Variants in SPAM1 observed in about 807,000 individuals in gnomAD.
SPAM1 encodes the protein hyaluronidase PH-20.
Under a neutral mutation model 29.6 loss-of-function variants are expected in SPAM1, and 22 were observed. The observed-to-expected ratio is 0.74, with a 90% CI of 0.53 to 1.06. SPAM1 has a LOEUF of 1.06. SPAM1 is among the 50% of genes least tolerant of loss of function. SPAM1 has a pLI of 0.00. For missense variants in SPAM1, 534 were observed against 604.0 expected (o/e 0.88, Z 1.21); for synonymous variants, 194 against 204.6 (o/e 0.95, Z 0.44).
intron 1 of SPAM1, among the ~76,000 whole-genome samples, chr7:123,939,414 A>C (rs1275834589): frequency 6.6e-6 from 1 of 151,886 alleles, no homozygotes; most frequent in Non-Finnish European, 1.5e-5. Flanking sequence ...ACTTCATTTC[A>C]ATCATATCTG....
At chr7:123,946,269 G>A (rs974856546) in intron 1 of SPAM1, among the ~76,000 whole-genome samples, 1 of 152,138 alleles carries the variant, frequency 6.6e-6, no homozygotes, top group Non-Finnish European at 1.5e-5. Flanking sequence ...ATAAACGTTA[G>A]ATCTCAACCA....
downstream of SPAM1, among the ~76,000 whole-genome samples, chr7:123,960,654 T>C (rs1357435846): frequency 6.6e-6 from 1 of 151,936 alleles, no homozygotes; most frequent in African/African-American, 2.4e-5. Context: ...TGTACAAATA[T>C]TACTACCGCC....
At position 123,953,637 on chromosome 7, in the gene SPAM1, A is replaced by C; in HGVS notation, c.67A>C (p.Ile23Leu). Residue 23 changes from isoleucine (I) to leucine (L), a missense_variant, in exon 3 of 5, where the codon ATA (isoleucine) becomes CTA (leucine). Transcript: ENST00000682466. ...SFVKSSGVSQIVFTFLLIPCC... is the reference protein window; with the variant it reads ...SFVKSSGVSQLVFTFLLIPCC... Reference sequence around the variant, plus strand: ...TGTTAAATCAAGTGGAGTATCCCAGATAGTTTTCACCTTCCTTCTGATTCC... The same window carrying C: ...TGTTAAATCAAGTGGAGTATCCCAGCTAGTTTTCACCTTCCTTCTGATTCC... The C allele has an allele frequency of 6.2e-7, 1 of 1,612,678 alleles. No individual in the cohort carries two copies. The highest frequency in any genetic ancestry group is 1.1e-5 in the South Asian group (1 of 90,836).
downstream of SPAM1, among the ~76,000 whole-genome samples, chr7:123,962,701 A>G (rs1211082257): frequency 6.6e-6 from 1 of 151,788 alleles, no homozygotes; most frequent in Non-Finnish European, 1.5e-5. Flanking sequence ...TTTTTATTCT[A>G]TAAAGTCATT....
downstream of SPAM1, among the ~76,000 whole-genome samples, chr7:123,964,172 G>A (rs958039656): frequency 1.3e-5 from 2 of 151,868 alleles, no homozygotes; most frequent in Non-Finnish European, 2.9e-5. Flanking sequence ...TCAATTATCA[G>A]AAAAATATTG....
Position 123,955,039 on chromosome 7 carries a change from G to T in SPAM1, c.997G>T (p.Ala333Ser), listed in dbSNP as rs143696812. The T allele has an allele frequency of 1.4e-5, 23 of 1,611,682 alleles. No individual in the cohort carries two copies. The African/African-American group carries it at 2.8e-4, about 20-fold the overall frequency. Residue 333 changes from alanine to serine, a missense_variant, in exon 4 of 5, where the codon GCT becomes TCT. By Grantham distance (99) the Ala-to-Ser change is moderately conservative. Transcript: ENST00000682466. ...ATTTGGCGAAACTGTTGCTCTGGGTGCTTCTGGAATTGTAATATGGGGAAC... is the reference window on the plus strand; with the variant it reads ...ATTTGGCGAAACTGTTGCTCTGGGTTCTTCTGGAATTGTAATATGGGGAAC... ...YTFGETVALG[A>S]SGIVIWGTLS...
At chr7:123,968,620 T>C (rs538560088) in intron 5 of SPAM1, among the ~76,000 whole-genome samples, 1 of 152,128 alleles carries the variant, frequency 6.6e-6, no homozygotes, top group African/African-American at 2.4e-5. Context: ...AAAGCCATGT[T>C]ATTTCAAAGC....
chr7:123,954,657 C>T (rs984338592), intron 3 of SPAM1, 133 bp downstream of exon 3: 2 of 632,688 alleles, frequency 3.2e-6, no homozygotes, highest in Non-Finnish European at 5.4e-6. Context: ...AGTAGATCAA[C>T]ATTATTATAT....
At chr7:123,945,633 G>A (rs1015765104) in intron 1 of SPAM1, among the ~76,000 whole-genome samples, 3 of 152,168 alleles carry the variant, frequency 2.0e-5, no homozygotes, top group Admixed American at 6.5e-5. Context: ...AGGGGCAAGA[G>A]GTGCCTGTGT....
chr7:123,951,229 A>T (rs1808753450), intron 2 of SPAM1, among the ~76,000 whole-genome samples: 1 of 151,980 alleles, frequency 6.6e-6, no homozygotes, highest in South Asian at 2.1e-4. Flanking sequence ...TCTGTTGATG[A>T]TCTCTTTTGC....
intron 4 of SPAM1, among the ~76,000 whole-genome samples, chr7:123,958,140 G>A (rs1792286503): frequency 6.6e-6 from 1 of 151,968 alleles, no homozygotes; most frequent in Admixed American, 6.6e-5. Flanking sequence ...ACAATAGATG[G>A]CATCATCTCA....
At position 123,953,372 on chromosome 7, in the gene SPAM1, T is replaced by C. The variant is rs1275564380; in HGVS notation, c.-199T>C. On this transcript the variant is annotated 5_prime_UTR_variant, in exon 3 of 5. Transcript: ENST00000682466. Reference sequence around the variant, plus strand: ...TCTGTATTTCTTTTTCAGTTATAGGTGATGCAACTTGAAAAACAATCCTGA... The same window carrying C: ...TCTGTATTTCTTTTTCAGTTATAGGCGATGCAACTTGAAAAACAATCCTGA... 4 of 468,728 alleles carry C rather than the reference T, an allele frequency of 8.5e-6. No homozygotes were observed. The highest frequency in any genetic ancestry group is 2.0e-5 in the African/African-American group (1 of 49,450). The allele number at this position is 468,728 out of a possible 1,614,324, so 29.0% of individuals were successfully genotyped here.
chr7:123,949,298 G>A (rs1449102380), intron 1 of SPAM1, among the ~76,000 whole-genome samples: 1 of 152,014 alleles, frequency 6.6e-6, no homozygotes, highest in African/African-American at 2.4e-5. Context: ...ATGATAGTTG[G>A]ATGAAAGAAA....
At chr7:123,940,263 A>G (rs947268056) in intron 1 of SPAM1, among the ~76,000 whole-genome samples, 13 of 152,076 alleles carry the variant, frequency 8.5e-5, no homozygotes, top group Admixed American at 2.0e-4. Context: ...GCATGCATCA[A>G]TTGGGTACCA....
chr7:123,952,759 A>G (rs1792140882), intron 2 of SPAM1, among the ~76,000 whole-genome samples: 1 of 152,056 alleles, frequency 6.6e-6, no homozygotes, highest in South Asian at 2.1e-4. Context: ...ATGGGAGTAC[A>G]TTATTGTAAG....
chr7:123,932,191 T>C (rs1382852337), intron 1 of SPAM1: 1 of 152,176 alleles, frequency 6.6e-6, no homozygotes, highest in African/African-American at 2.4e-5. Context: ...CAATCCCAAA[T>C]TGGAGCAGCC....
Position 123,966,680 on chromosome 7 carries a change from A to T in SPAM1, c.1486-3518A>T, listed in dbSNP as rs144357424. ...AACTAACACAGTAACAGAAAACCAA[A>T]CACCACATGTTCTTCTTACAAATGG... On this transcript the variant is annotated intron_variant, in intron 5 of 6. Transcript: ENST00000340011. 7.8e-3 allele frequency among the ~76,000 whole-genome samples: 1,182 copies of T among 152,170 alleles called. 4 individuals are homozygous for T. The highest frequency in any genetic ancestry group is 0.011 in the Non-Finnish European group (781 of 67,974).
At position 123,925,304 on chromosome 7, in the gene SPAM1, A is replaced by G. The variant is rs1181647529; in HGVS notation, c.-367A>G. 2 of 152,216 alleles carry G rather than the reference A, an allele frequency of 1.3e-5. No individual in the cohort carries two copies. The highest frequency in any genetic ancestry group is 2.4e-5 in the African/African-American group (1 of 41,442). 9.4% of individuals were successfully genotyped at this position (152,216 alleles called of 1,614,324 possible). ...GGCTCACATAAATTCAGAAAGTATGATAGCAGTGTAGGTGGTTAGCAGCAC... is the reference window on the plus strand; with the variant it reads ...GGCTCACATAAATTCAGAAAGTATGGTAGCAGTGTAGGTGGTTAGCAGCAC... On this transcript the variant is annotated 5_prime_UTR_variant, in exon 1 of 5. Coordinates refer to ENST00000682466, the MANE Select transcript of SPAM1 (RefSeq NM_153189.3).
In SPAM1 at chr7:123,933,035, A is replaced by T. The variant is rs1160783950; in HGVS notation, c.-319+7683A>T. Among the ~76,000 whole-genome samples, 4 of 152,008 alleles carry T rather than the reference A, an allele frequency of 2.6e-5. No individual in the cohort carries two copies. The East Asian group carries it at 5.8e-4, about 22-fold the overall frequency. On this transcript the variant is annotated intron_variant, in intron 1 of 4. Coordinates refer to ENST00000682466, the MANE Select transcript of SPAM1 (RefSeq NM_153189.3). ...AACAGGAGAATAGCAAACAATTTTT[A>T]AAATATTATTTATTTTATTTTTTTT...
Sources: gnomAD v4.1 joint callset for allele counts (sites outside exome capture counted in the v4.1 genomes callset) on GRCh38, gnomAD v4.1.1 for gene constraint, MANE v1.5 for transcripts, NCBI Gene and HGNC (gene_info 2026-07-23, HGNC 2026-07-21) for gene names.